Variants in GALNT1 observed in about 807,000 individuals in gnomAD.
GALNT1 encodes polypeptide N-acetylgalactosaminyltransferase 1.
In GALNT1, 17 loss-of-function variants were observed where a neutral mutation model predicts 65.7. The observed-to-expected ratio is 0.26, with a 90% CI of 0.18 to 0.39. The LOEUF (loss-of-function observed/expected upper bound fraction) is 0.39. Among genes scored for constraint, GALNT1 ranks in the 10% least tolerant of loss-of-function variants. GALNT1 has a pLI of 1.00. For missense variants in GALNT1, 460 were observed against 672.8 expected, an observed-to-expected ratio of 0.68 and a Z score of 3.50; for synonymous variants, 210 against 219.7, an observed-to-expected ratio of 0.96 and a Z score of 0.39.
chr18:35,633,790 A>T (rs563585866), intron 1 of GALNT1, among the ~76,000 whole-genome samples: 137 of 152,330 alleles, frequency 9.0e-4, no homozygotes, highest in Non-Finnish European at 1.5e-3. Context: ...GAGAAATGTA[A>T]CAATAAAGCA....
chr18:35,668,438 G>GA (rs1007009279), intron 3 of GALNT1, among the ~76,000 whole-genome samples: 1 of 152,078 alleles, frequency 6.6e-6, no homozygotes, highest in African/African-American at 2.4e-5. Context: ...AAGTTCTTTG[G>GA]AAAAAAATCA....
chr18:35,617,771 A>C (rs2046803104), intron 1 of GALNT1, among the ~76,000 whole-genome samples: 1 of 152,210 alleles, frequency 6.6e-6, no homozygotes, highest in African/African-American at 2.4e-5. Flanking sequence ...GTTCATAATC[A>C]TATTTCCTCA....
chr18:35,692,431 C>G, intron 9 of GALNT1, 111 bp downstream of exon 9: 1 of 611,886 alleles, frequency 1.6e-6, no homozygotes, highest in East Asian at 3.3e-5. Context: ...TTCATGTTAA[C>G]ATTTAACTTC....
chr18:35,641,557 A>G (rs904778007), intron 1 of GALNT1, among the ~76,000 whole-genome samples: 1 of 152,254 alleles, frequency 6.6e-6, no homozygotes, highest in African/African-American at 2.4e-5. Flanking sequence ...GCAGAACTTC[A>G]GTAGGCATAT....
intron 2 of GALNT1, among the ~76,000 whole-genome samples, chr18:35,660,924 G>T (rs1449456391): frequency 1.3e-5 from 2 of 152,034 alleles, no homozygotes; most frequent in Non-Finnish European, 2.9e-5. Context: ...TGTAACAGTA[G>T]GTTAGAGTAC....
At position 35,684,446 on chromosome 18, in the gene GALNT1, A is replaced by G. The variant is rs1026784408; in HGVS notation, c.689+848A>G. ...AGAAAAGAGAACATTGCCCTGAAGA[A>G]TCAAAAGAATAGGATATCTGTAAAT... On this transcript the variant is annotated intron_variant, in intron 5 of 11. Coordinates refer to ENST00000269195, the MANE Select transcript of GALNT1 (RefSeq NM_020474.4). Among the ~76,000 whole-genome samples the G allele has an allele frequency of 9.5e-4, 144 of 152,346 alleles. 1 individual carries two copies. The highest frequency in any genetic ancestry group is 3.0e-3 in the African/African-American group (125 of 41,578).
chr18:35,665,907 T>G (rs1032992937), intron 3 of GALNT1, among the ~76,000 whole-genome samples: 1 of 151,952 alleles, frequency 6.6e-6, no homozygotes, highest in Non-Finnish European at 1.5e-5. Flanking sequence ...AAGAGAGACA[T>G]AGAATGTAAA....
intron 1 of GALNT1, among the ~76,000 whole-genome samples, chr18:35,610,396 G>A (rs1435757463): frequency 4.6e-5 from 7 of 152,140 alleles, no homozygotes; most frequent in African/African-American, 1.4e-4. Context: ...TTTATGGAGC[G>A]TTCCTTACTG....
intron 6 of GALNT1, among the ~76,000 whole-genome samples, chr18:35,687,700 C>T (rs2047889715): frequency 6.6e-6 from 1 of 151,902 alleles, no homozygotes; most frequent in Non-Finnish European, 1.5e-5. Flanking sequence ...TCCATTTATT[C>T]TCTGATTTTT....
upstream of GALNT1, chr18:35,581,680 G>GCCC (rs1232044765): frequency 5.2e-4 from 1 of 1,938 alleles, no homozygotes; most frequent in African/African-American, 2.3e-3. Context: ...CGGAGGCGGG[G>GCCC]GCGGGCGCGG....
chr18:35,581,551 C>T (rs1165777876), upstream of GALNT1, among the ~76,000 whole-genome samples: 2 of 1,368 alleles, frequency 1.5e-3, no homozygotes, highest in Non-Finnish European at 2.7e-3. Flanking sequence ...CCTGCGGCGC[C>T]CGCCGCGCGA....
chr18:35,638,305 C>T (rs545179714), intron 1 of GALNT1, among the ~76,000 whole-genome samples: 3 of 152,280 alleles, frequency 2.0e-5, no homozygotes, highest in Admixed American at 6.5e-5. Flanking sequence ...CTAGGAGACT[C>T]GGCTGCTCAT....
intron 1 of GALNT1, among the ~76,000 whole-genome samples, chr18:35,613,508 G>T (rs1409210276): frequency 1.3e-5 from 2 of 152,162 alleles, no homozygotes; most frequent in African/African-American, 4.8e-5. Flanking sequence ...AGGTAAGTTA[G>T]TAGTGATACT....
intron 9 of GALNT1, among the ~76,000 whole-genome samples, chr18:35,695,827 G>T (rs931507904): frequency 1.3e-5 from 2 of 152,142 alleles, no homozygotes; most frequent in Admixed American, 6.5e-5. Context: ...AGGGTGAGTG[G>T]TGCGCCAGGG....
intron 1 of GALNT1, among the ~76,000 whole-genome samples, chr18:35,618,996 G>A (rs183997310): frequency 8.9e-4 from 135 of 152,232 alleles, no homozygotes; most frequent in African/African-American, 3.0e-3. Flanking sequence ...AATGACATTA[G>A]GGAGAGACTA....
intron 3 of GALNT1, among the ~76,000 whole-genome samples, chr18:35,675,085 G>A (rs1420230453): frequency 6.6e-6 from 1 of 150,914 alleles, no homozygotes; most frequent in African/African-American, 2.4e-5. Context: ...AACATGGCCT[G>A]TGGCCTTTCT....
At chr18:35,677,846 T>G (rs969413822) in intron 4 of GALNT1, 89 bp downstream of exon 4, 4 of 942,220 alleles carry the variant, frequency 4.2e-6, no homozygotes, top group South Asian at 2.8e-5. Flanking sequence ...ACCTAATAAT[T>G]TTATACAAAA....
At chr18:35,649,814 G>GA (rs1568023889) in intron 1 of GALNT1, among the ~76,000 whole-genome samples, 2 of 152,120 alleles carry the variant, frequency 1.3e-5, no homozygotes, top group Admixed American at 1.3e-4. Context: ...TGGGACTGTT[G>GA]AAAAAACTGT....
intron 1 of GALNT1, among the ~76,000 whole-genome samples, chr18:35,598,074 G>A (rs1188040315): frequency 3.0e-5 from 4 of 133,848 alleles, no homozygotes; most frequent in Non-Finnish European, 4.6e-5. Flanking sequence ...ACAGAGTCTT[G>A]CTCTGCTGCC....
Sources: allele counts gnomAD v4.1 joint callset (sites outside exome capture counted in the v4.1 genomes callset), GRCh38; gene constraint gnomAD v4.1.1; transcripts MANE v1.5; gene names NCBI Gene and HGNC (gene_info 2026-07-23, HGNC 2026-07-21).